Variants in JAG2 observed in about 807,000 individuals in gnomAD.
The protein encoded by JAG2 is jagged canonical Notch ligand 2.
A neutral mutation model predicts 141.7 loss-of-function variants in JAG2; 46 were observed. That is an observed-to-expected ratio of 0.32 (90% CI 0.26 to 0.42). The LOEUF is 0.42. JAG2 is among the 10% of genes least tolerant of loss of function. JAG2 has a pLI of 1.00. For missense variants in JAG2, 1,500 were observed against 1,817.5 expected, an observed-to-expected ratio of 0.83 and a Z score of 3.18; for synonymous variants, 862 against 763.5, an observed-to-expected ratio of 1.13 and a Z score of -2.13.
chr14:105,149,758 G>A lies in JAG2; in HGVS notation c.1603-438C>T, dbSNP rs587703980. Among the ~76,000 whole-genome samples the A allele has an allele frequency of 2.8e-5, 4 of 141,970 alleles. No individual in the cohort carries two copies. In the South Asian group the frequency reaches 1.0e-3, roughly 37 times the overall value. 93.1% of individuals were successfully genotyped at this position (141,970 alleles called of 152,430 possible). On this transcript the variant is annotated intron_variant, in intron 12 of 25. Transcript: ENST00000331782. ...CCTCTGGACAGGAGGCCCATCCTCT[G>A]CACCAAGGCCAGGGCAGGATCGTGG...
At chr14:105,165,341 G>A (rs913138943) in intron 2 of JAG2, among the ~76,000 whole-genome samples, 1 of 152,224 alleles carries the variant, frequency 6.6e-6, no homozygotes, top group East Asian at 1.9e-4. Context: ...GAGCACCCGG[G>A]GTGCGTGCAC....
At chr14:105,143,339 T>G (rs1041804349) in intron 25 of JAG2, 143 bp downstream of exon 25, 13 of 1,295,232 alleles carry the variant, frequency 1.0e-5, no homozygotes, top group Non-Finnish European at 1.4e-5. Context: ...GGTCAGGTTG[T>G]GGGGCTGGGC....
rs375183758 is a variant in JAG2 at position 105,148,330 on chromosome 14, G to A, written c.2130C>T (p.His710=). 4.9e-5 allele frequency: 78 copies of A among 1,607,784 alleles called. No individual in the cohort carries two copies. Among genetic ancestry groups the A allele is most frequent in the Non-Finnish European group, 5.9e-5 (70 of 1,177,708 alleles). ...CCAGGGCCTGCGGACACTCACGTGA[G>A]TGGCAGGTCTTGCCCTTCCAGCCGT... is the stretch of plus-strand genomic sequence containing the variant. The part of the protein sequence containing the change: ...CDDGWKGKTC[H]SREFQCDAYT... Residue 710 remains histidine, a synonymous_variant, in exon 16 of 26, where the codon CAC becomes CAT. Coordinates refer to ENST00000331782, the MANE Select transcript of JAG2 (RefSeq NM_002226.5).
chr14:105,148,500 G>T (rs185338518), intron 15 of JAG2, 61 bp from the exon 16 acceptor site: 1 of 1,257,654 alleles, frequency 8.0e-7, no homozygotes, highest in Non-Finnish European at 1.1e-6. Context: ...AGGGCTTCCC[G>T]GGGGAGGAAG....
chr14:105,143,196 G>A (rs1309493039), intron 25 of JAG2, 26 bp from the exon 26 acceptor site: 5 of 1,587,332 alleles, frequency 3.1e-6, no homozygotes, highest in Admixed American at 3.4e-5. Flanking sequence ...AAGAGCCGGT[G>A]GGCAATGAGG....
At chr14:105,152,603 C>T (rs902291787) in intron 5 of JAG2, among the ~76,000 whole-genome samples, 43 of 152,046 alleles carry the variant, frequency 2.8e-4, no homozygotes, top group African/African-American at 5.3e-4. Context: ...GCCGGGACCC[C>T]GGGGATGAGA....
rs1888937319 is a variant in JAG2, at chr14:105,167,146, A to C, written c.417+611T>G. The stretch of plus-strand genomic sequence containing the variant: ...CTGCCCCTCCAGAATAACAAAACCA[A>C]AAAAACCCACAAACAGGGCAGTGCC... On this transcript the variant is annotated intron_variant, in intron 2 of 25. Coordinates refer to ENST00000331782, the MANE Select transcript of JAG2 (RefSeq NM_002226.5). The surrounding 1 kb of genome is among the most constrained non-coding windows in gnomAD (Gnocchi z 4.8). Among the ~76,000 whole-genome samples the C allele has an allele frequency of 6.6e-6, 1 of 152,138 alleles. No homozygotes were observed. Among genetic ancestry groups the C allele is most frequent in the Admixed American group, 6.5e-5 (1 of 15,288 alleles).
At chr14:105,155,103 G>C (rs1477175127) in intron 5 of JAG2, among the ~76,000 whole-genome samples, 4 of 149,492 alleles carry the variant, frequency 2.7e-5, no homozygotes, top group African/African-American at 7.4e-5. Context: ...ACCTTGCCCA[G>C]CTACAAACCT....
chr14:105,152,687 G>A (rs1888473562), intron 5 of JAG2, among the ~76,000 whole-genome samples: 1 of 152,148 alleles, frequency 6.6e-6, no homozygotes, highest in African/African-American at 2.4e-5. Flanking sequence ...CGGGCAGCAG[G>A]GGAGCACTCC....
chr14:105,157,928 T>A, intron 2 of JAG2, 165 bp from the exon 3 acceptor site: 1 of 697,770 alleles, frequency 1.4e-6, no homozygotes, highest in Non-Finnish European at 2.6e-6. Flanking sequence ...GGCCACATCC[T>A]CTGCAGACCC....
Position 105,150,627 on chromosome 14 carries a change from C to CCT in JAG2, c.1577_1578dup (p.Gly527ArgfsTer60). 1.3e-6 allele frequency: 2 copies of CCT among 1,549,444 alleles called. No homozygotes were observed. The highest frequency in any genetic ancestry group is 1.7e-6 in the Non-Finnish European group (2 of 1,146,524). On this transcript the variant is annotated frameshift_variant, in exon 12 of 26. Transcript: ENST00000331782. LOFTEE classifies it high-confidence loss of function. ...ACCTCACAGAGAGGCCCGGAGAAGC[C>CCT]CTGGGGGCAGTGGCAGTGGAAGCCG...
At chr14:105,147,194 G>A in intron 20 of JAG2, 132 bp downstream of exon 20, 3 of 737,828 alleles carry the variant, frequency 4.1e-6, no homozygotes, top group South Asian at 3.1e-5. Flanking sequence ...GGGAAACTGA[G>A]GCTCAGAAGA....
At position 105,142,443 on chromosome 14, in the gene JAG2, C is replaced by T. The variant is rs1213997711; in HGVS notation, c.*252G>A. 2 of 508,582 alleles carry T rather than the reference C, an allele frequency of 3.9e-6. No individual in the cohort carries two copies. Among genetic ancestry groups the T allele is most frequent in the South Asian group, 2.3e-5 (1 of 42,808 alleles). 31.5% of individuals were successfully genotyped at this position (508,582 alleles called of 1,614,324 possible). On this transcript the variant is annotated 3_prime_UTR_variant, in exon 26 of 26. Coordinates refer to ENST00000331782, the MANE Select transcript of JAG2 (RefSeq NM_002226.5). ...ACACCCTTTGCTCTCTCCTTTCATA[C>T]AGCGAGTGCCACGCACGGAAACTTT...
chr14:105,162,284 A>G (rs1595188799), intron 2 of JAG2, among the ~76,000 whole-genome samples: 1 of 146,532 alleles, frequency 6.8e-6, no homozygotes, highest in Non-Finnish European at 1.5e-5. Flanking sequence ...GGCCTGACCC[A>G]CCCCCACCGC....
chr14:105,163,632 G>A (rs952201007), intron 2 of JAG2, among the ~76,000 whole-genome samples: 3 of 142,740 alleles, frequency 2.1e-5, no homozygotes, highest in Non-Finnish European at 1.5e-5. Flanking sequence ...TGGTCTTGAG[G>A]ACAGGGACTC....
At chr14:105,168,264 C>T in intron 1 of JAG2, 91 bp downstream of exon 1, 1 of 744,106 alleles carries the variant, frequency 1.3e-6, no homozygotes, top group Non-Finnish European at 1.7e-6. Context: ...GCTTCCGAAC[C>T]ACGGCGGCCC....
chr14:105,162,401 G>A (rs956121037), intron 2 of JAG2, among the ~76,000 whole-genome samples: 4 of 114,314 alleles, frequency 3.5e-5, no homozygotes, highest in African/African-American at 1.3e-4. Flanking sequence ...CCCAGGCAGG[G>A]GCAACAGCAG....
intron 2 of JAG2, among the ~76,000 whole-genome samples, chr14:105,158,865 A>G (rs1888651492): frequency 1.3e-5 from 2 of 151,946 alleles, no homozygotes. Context: ...TCCATCCCTC[A>G]GCACACCCCA....
rs756665068 is a variant in JAG2 at position 105,152,257 on chromosome 14, C to T, written c.823G>A (p.Glu275Lys). 3 of 1,613,304 alleles carry T rather than the reference C, an allele frequency of 1.9e-6. No homozygotes were observed. Among genetic ancestry groups the T allele is most frequent in the Non-Finnish European group, 2.5e-6 (3 of 1,179,980 alleles). ...SYGWQGRFCD[E>K]CVPYPGCVHG... ...ACGCAGCCGGGGTAGGGGACACACT[C>T]ATCGCAGAACCTCCCTTGCCAGCCG... Residue 275 changes from glutamate to lysine, a missense_variant, in exon 6 of 26, where the codon GAG becomes AAG. By Grantham distance (56) the Glu-to-Lys change is moderately conservative. Coordinates refer to ENST00000331782, the MANE Select transcript of JAG2 (RefSeq NM_002226.5).
Sources: gnomAD v4.1 joint callset for allele counts (sites outside exome capture counted in the v4.1 genomes callset) on GRCh38, gnomAD v4.1.1 for gene constraint, Gnocchi (gnomAD v3.1) non-coding constraint, MANE v1.5 for transcripts, NCBI Gene and HGNC (gene_info 2026-07-23, HGNC 2026-07-21) for gene names.